Variants in CAPS2 observed in about 807,000 individuals in gnomAD.
CAPS2 encodes calcyphosin-2.
Under a neutral mutation model 86.5 loss-of-function variants are expected in CAPS2, and 98 were observed. That is an observed-to-expected ratio of 1.13 (90% CI 0.96 to 1.34). The LOEUF is 1.34. CAPS2 is among the 40% of genes most tolerant of loss of function. The probability of loss-of-function intolerance (pLI) is 0.00; values close to 1 mark genes in which losing one functional copy is unlikely to be tolerated. For missense variants in CAPS2, 729 were observed against 686.8 expected (o/e 1.06, Z -0.69); for synonymous variants, 210 against 225.1 (o/e 0.93, Z 0.60).
exon 17 of CAPS2, chr12:75,277,272 G>C (rs2033098066): frequency 3.1e-6 from 3 of 961,236 alleles, no homozygotes; most frequent in African/African-American, 3.6e-5. Context: ...ACAGAAAAAT[G>C]TGACATGCCA....
chr12:75,278,216 C>T (rs1235652707), exon 17 of CAPS2: 7 of 981,660 alleles, frequency 7.1e-6, no homozygotes, highest in Non-Finnish European at 8.5e-6. Context: ...AGAATAACTA[C>T]ATTGTGCTCT....
At chr12:75,301,315 A>C (rs1593365224) in intron 8 of CAPS2, among the ~76,000 whole-genome samples, 1 of 152,210 alleles carries the variant, frequency 6.6e-6, no homozygotes, top group Admixed American at 6.5e-5. Flanking sequence ...TACAAAAAGG[A>C]AGCAGGGAAC....
chr12:75,321,372 T>C (rs2040279503), intron 5 of CAPS2, 28 bp downstream of exon 5: 2 of 1,407,058 alleles, frequency 1.4e-6, no homozygotes, highest in East Asian at 2.5e-5. Flanking sequence ...TAAATGTCAT[T>C]AGAATTTTTT....
chr12:75,276,381 G>A, downstream of CAPS2: 1 of 1,359,504 alleles, frequency 7.4e-7, no homozygotes, highest in South Asian at 1.8e-5. Flanking sequence ...TGAAATACTT[G>A]ATAACAAACA....
chr12:75,286,782 T>C (rs2034949037), intron 14 of CAPS2, among the ~76,000 whole-genome samples: 1 of 151,752 alleles, frequency 6.6e-6, no homozygotes, highest in East Asian at 1.9e-4. Context: ...TATCATTGCA[T>C]GAGCAGTTTA....
chr12:75,357,545 A>G (rs2043232322), intron 1 of CAPS2, among the ~76,000 whole-genome samples: 1 of 152,128 alleles, frequency 6.6e-6, no homozygotes, highest in South Asian at 2.1e-4. Context: ...ACCCCAAAAC[A>G]GAGGAATATA....
intron 1 of CAPS2, among the ~76,000 whole-genome samples, chr12:75,349,055 G>A (rs1205551315): frequency 2.6e-5 from 4 of 152,090 alleles, no homozygotes; most frequent in Non-Finnish European, 5.9e-5. Context: ...AAGAGTACCA[G>A]AGAAAAGAGA....
At chr12:75,308,928 G>A (rs889992268) in intron 7 of CAPS2, among the ~76,000 whole-genome samples, 34 of 149,378 alleles carry the variant, frequency 2.3e-4, no homozygotes, top group African/African-American at 7.4e-4. Flanking sequence ...AAAAAAGGGG[G>A]TAAGGAGCCC....
rs181573170 is a variant in CAPS2, at chr12:75,379,834, T to G, written c.-395+11004A>C. Among the ~76,000 whole-genome samples the G allele has an allele frequency of 8.8e-4, 129 of 147,066 alleles. 2 individuals carry two copies. In the East Asian group the frequency reaches 0.023, roughly 26 times the overall value. On this transcript the variant is annotated intron_variant, in intron 1 of 5. Transcript: ENST00000551829. ...AGTATTCTCTGTAGTTTATTATTAT[T>G]ATGATGCATCCCTATCAGTAAAAAA...
chr12:75,325,294 A>G lies in CAPS2; in HGVS notation c.82-6T>C, dbSNP rs969367831. 5.8e-6 allele frequency: 9 copies of G among 1,540,048 alleles called. No individual in the cohort carries two copies. The highest frequency in any genetic ancestry group is 7.9e-6 in the Non-Finnish European group (9 of 1,141,090). On this transcript the variant is annotated splice_polypyrimidine_tract_variant and splice_region_variant and intron_variant, in intron 1 of 16. Coordinates refer to ENST00000393284, the Ensembl canonical transcript of CAPS2. The stretch of plus-strand genomic sequence containing the variant: ...GACTCAGAAGTCCACCTTTGCTTTA[A>G]TTAAAAAAAAAACTTTTTGAATCAG...
At chr12:75,312,470 G>A (rs989643969) in intron 7 of CAPS2, among the ~76,000 whole-genome samples, 2 of 152,166 alleles carry the variant, frequency 1.3e-5, no homozygotes, top group African/African-American at 4.8e-5. Flanking sequence ...TGGCAGCATT[G>A]TAAATGATTC....
intron 1 of CAPS2, among the ~76,000 whole-genome samples, chr12:75,376,804 T>A (rs906075240): frequency 1.3e-5 from 2 of 152,178 alleles, no homozygotes; most frequent in Non-Finnish European, 2.9e-5. Context: ...GCCACTCGCA[T>A]GATAAGAGCT....
chr12:75,388,074 T>C (rs1331383336), intron 1 of CAPS2, among the ~76,000 whole-genome samples: 1 of 152,146 alleles, frequency 6.6e-6, no homozygotes, highest in Non-Finnish European at 1.5e-5. Context: ...CCACGTGTCA[T>C]GGGAGAGACT....
chr12:75,352,567 C>A (rs1167118427), intron 1 of CAPS2, among the ~76,000 whole-genome samples: 1 of 152,164 alleles, frequency 6.6e-6, no homozygotes, highest in Non-Finnish European at 1.5e-5. Flanking sequence ...GATTTTAACA[C>A]CCCACTGTCA....
downstream of CAPS2, chr12:75,276,977 T>G (rs1427958138): frequency 1.0e-6 from 1 of 984,492 alleles, no homozygotes. Flanking sequence ...AGTTTAACAC[T>G]AAATAACAGA....
At chr12:75,351,545 G>GTTTT (rs200327101) in intron 1 of CAPS2, among the ~76,000 whole-genome samples, 2 of 148,430 alleles carry the variant, frequency 1.3e-5, no homozygotes, top group Non-Finnish European at 1.5e-5. Flanking sequence ...ACTCTGTTTT[G>GTTTT]TTTTGTTTTT....
intron 8 of CAPS2, among the ~76,000 whole-genome samples, chr12:75,301,372 T>C (rs2037792893): frequency 6.6e-6 from 1 of 152,120 alleles, no homozygotes; most frequent in South Asian, 2.1e-4. Context: ...AAGCACAGAG[T>C]AGAGCCATGG....
At chr12:75,375,621 A>G (rs1036684310) in intron 1 of CAPS2, among the ~76,000 whole-genome samples, 3 of 152,216 alleles carry the variant, frequency 2.0e-5, no homozygotes, top group Non-Finnish European at 4.4e-5. Context: ...TTTATAATAC[A>G]AATTAGTCTT....
Position 75,339,195 on chromosome 12 carries a change from GT to G in CAPS2, c.-394-15974del, listed in dbSNP as rs200475127. ...ATTGCCACACTGTCCTCCACAATGG[GT>G]AAACTAATTTACACTCCCACCAACA... On this transcript the variant is annotated intron_variant, in intron 1 of 5. Coordinates refer to the CAPS2 transcript ENST00000551829. Among the ~76,000 whole-genome samples the G allele has an allele frequency of 4.7e-4, 72 of 151,636 alleles. No individual in the cohort carries two copies. The East Asian group carries it at 0.012, about 26-fold the overall frequency.
Sources: allele counts gnomAD v4.1 joint callset (sites outside exome capture counted in the v4.1 genomes callset), GRCh38; gene constraint gnomAD v4.1.1; transcripts MANE v1.5; gene names NCBI Gene and HGNC (gene_info 2026-07-23, HGNC 2026-07-21).